LMTK3: variants seen among roughly 807,000 people sequenced by gnomAD.
The protein encoded by LMTK3 is serine/threonine-protein kinase LMTK3.
LMTK3 carries 27 observed loss-of-function variants against 116.7 expected under a neutral mutation model. The ratio of observed to expected loss-of-function variants is 0.23; its 90% CI spans 0.17 to 0.32. The LOEUF (loss-of-function observed/expected upper bound fraction) is 0.32, where lower values mean the gene tolerates loss of function less well. Ranked by LOEUF, LMTK3 falls within the 10% of genes least tolerant of loss-of-function variation. LMTK3 has a pLI of 1.00. For synonymous variants in LMTK3, 965 were observed against 971.0 expected (o/e 0.99, Z 0.11); for missense variants, 1,764 against 2,068.5 (o/e 0.85, Z 2.86).
In LMTK3 at chr19:48,498,150, C is replaced by T. The variant is rs750107495; in HGVS notation, c.2919G>A (p.Ala973=). ...ELTPPRREEK[A]LENGELRSPE... ...GGGACCTCAGCTCCCCATTCTCCAG[C>T]GCTTTCTCCTCCCTCCTTGGGGGTG... The change falls in exon 11 of 15, where the codon GCG becomes GCA. Residue 973 remains alanine, a synonymous_variant. Transcript: ENST00000600059. 2 of 1,613,756 alleles carry T rather than the reference C, an allele frequency of 1.2e-6. No homozygotes were observed. The highest frequency in any genetic ancestry group is 1.3e-5 in the African/African-American group (1 of 75,028).
chr19:48,499,236 G>T lies in LMTK3; in HGVS notation c.1833C>A (p.Asp611Glu), dbSNP rs1270383368. The T allele has an allele frequency of 1.4e-6, 2 of 1,381,140 alleles. No homozygotes were observed. The highest frequency in any genetic ancestry group is 1.9e-6 in the Non-Finnish European group (2 of 1,063,206). 85.6% of individuals were successfully genotyped at this position (1,381,140 alleles called of 1,614,324 possible). ...TCTCCCCGGCGCCCCGGCCCTCGGGGTCCCAGCCGCTCAGCAGGAAGCTGC... is the reference window on the plus strand; with the variant it reads ...TCTCCCCGGCGCCCCGGCCCTCGGGTTCCCAGCCGCTCAGCAGGAAGCTGC... ...ASGSFLLSGW[D>E]PEGRGAGETL... The change falls in exon 11 of 15, where the codon GAC becomes GAA. Residue 611 changes from aspartate (D) to glutamate (E), a missense_variant. By Grantham distance (45) the Asp-to-Glu change is conservative. Around this residue, in one of 7 missense-constraint regions of LMTK3, gnomAD observed 1,028 missense variants for 1,050.6 expected, o/e 0.98. Transcript: ENST00000600059.
chr19:48,496,296 C>CT lies in LMTK3; in HGVS notation c.3676+1096dup, dbSNP rs1365263028. Among the ~76,000 whole-genome samples, 303 of 142,250 alleles carry CT rather than the reference C, an allele frequency of 2.1e-3. 7 individuals carry two copies. Among genetic ancestry groups the CT allele is most frequent in the African/African-American group, 8.0e-3 (292 of 36,650 alleles). 93.3% of individuals were successfully genotyped at this position (142,250 alleles called of 152,430 possible). A position where few individuals can be genotyped will look rare whatever the true frequency, so the allele number is the denominator to read the frequency against. The stretch of plus-strand genomic sequence containing the variant: ...GCTAATTTTTTCTTTTTTTCTTTTT[C>CT]TTTTCTTTTTTTTTTTTTCTGAGAC... On this transcript the variant is annotated intron_variant, in intron 11 of 14. Coordinates refer to ENST00000600059, the MANE Select transcript of LMTK3 (RefSeq NM_001388485.1).
At position 48,491,514 on chromosome 19, in the gene LMTK3, A is replaced by T; in HGVS notation, c.4118T>A (p.Val1373Asp). The T allele has an allele frequency of 7.1e-7, 1 of 1,400,648 alleles. No individual in the cohort carries two copies. 86.8% of individuals were successfully genotyped at this position (1,400,648 alleles called of 1,614,324 possible). ...DQETPTNELS[V>D]QAPPEGDTDP... ...CGTGTCCCCCTCGGGGGGGGCCTGG[A>T]CGCTCAGCTCGTTGGTTGGCGTCTC... The change falls in exon 13 of 15, where the codon GTC becomes GAC. Residue 1373 changes from valine to aspartate, a missense_variant. This residue lies in a region of LMTK3 where 281 missense variants were observed against 301.4 expected (regional missense o/e 0.93). Coordinates refer to ENST00000600059, the MANE Select transcript of LMTK3 (RefSeq NM_001388485.1). This position sits in a 1 kb window ranked among gnomAD's most constrained non-coding sequence, Gnocchi z 5.1.
At chr19:48,495,015 G>GTTTTT (rs760344922) in intron 11 of LMTK3, among the ~76,000 whole-genome samples, 10 of 144,162 alleles carry the variant, frequency 6.9e-5, no homozygotes, top group Non-Finnish European at 1.1e-4. Flanking sequence ...TGTTTTTTTT[G>GTTTTT]TTTTTTTTTT....
At chr19:48,501,251 C>G in intron 9 of LMTK3, 32 bp downstream of exon 9, 1 of 1,611,118 alleles carries the variant, frequency 6.2e-7, no homozygotes, top group Non-Finnish European at 8.5e-7. Flanking sequence ...CCTTCCTGGC[C>G]TGCCTCGGCC....
At position 48,500,893 on chromosome 19, in the gene LMTK3, G is replaced by C. The variant is rs1317125641; in HGVS notation, c.1151+103C>G. ...CCCCTCTTCACTCTTGAGGGGTATG[G>C]AGGGCAAACGGGATGTGGGTGATGT... On this transcript the variant is annotated intron_variant, in intron 10 of 14. Coordinates refer to ENST00000600059, the MANE Select transcript of LMTK3 (RefSeq NM_001388485.1). This position sits in a 1 kb window ranked among gnomAD's most constrained non-coding sequence, Gnocchi z 4.0. 1.7e-6 allele frequency: 2 copies of C among 1,208,972 alleles called. No homozygotes were observed. The highest frequency in any genetic ancestry group is 6.1e-5 in the Admixed American group (2 of 33,050). The allele number at this position is 1,208,972 out of a possible 1,614,324, so 74.9% of individuals were successfully genotyped here.
intron 14 of LMTK3, among the ~76,000 whole-genome samples, chr19:48,489,402 G>A (rs978242565): frequency 3.9e-5 from 6 of 152,094 alleles, no homozygotes; most frequent in African/African-American, 1.4e-4. Flanking sequence ...GTGAAACCCC[G>A]TCTCTACTAA....
intron 5 of LMTK3, among the ~76,000 whole-genome samples, chr19:48,507,749 T>TACACGAGTATACCACCGTGCCC (rs1972594609): frequency 6.6e-6 from 1 of 152,206 alleles, no homozygotes; most frequent in East Asian, 1.9e-4. Context: ...GTGCCGGGAC[T>TACACGAGTATACCACCGTGCCC]ACACGAGTAT....
At chr19:48,487,219 G>A (rs914317157) in intron 14 of LMTK3, among the ~76,000 whole-genome samples, 4 of 152,030 alleles carry the variant, frequency 2.6e-5, no homozygotes, top group African/African-American at 9.7e-5. Flanking sequence ...ATTTTTAGGA[G>A]AGATGGGGTT....
Position 48,509,533 on chromosome 19 carries a change from A to G in LMTK3, c.362-20T>C. 1 of 1,538,492 alleles carries G rather than the reference A, an allele frequency of 6.5e-7. No individual in the cohort carries two copies. Among genetic ancestry groups the G allele is most frequent in the African/African-American group, 1.4e-5 (1 of 73,060 alleles). ...TCATGTCTGGGGAGGGCAAGAGGGG[A>G]AAGCCCCTGAGTCTCTCCCCCTTCC... On this transcript the variant is annotated intron_variant, in intron 3 of 14. Coordinates refer to ENST00000600059, the MANE Select transcript of LMTK3 (RefSeq NM_001388485.1).
intron 4 of LMTK3, 89 bp downstream of exon 4, chr19:48,509,348 G>A (rs1972619953): frequency 2.5e-6 from 3 of 1,224,440 alleles, no homozygotes; most frequent in African/African-American, 1.5e-5. Flanking sequence ...AGGGACAGAT[G>A]AGAAGTGGTG....
intron 14 of LMTK3, among the ~76,000 whole-genome samples, chr19:48,486,339 G>A (rs921371236): frequency 2.0e-5 from 3 of 151,082 alleles, no homozygotes; most frequent in African/African-American, 4.9e-5. Context: ...GATTACAGGC[G>A]TGAGCCACCG....
rs1300787371 is a variant in LMTK3 at position 48,485,602 on chromosome 19, G to C, written c.*171C>G. ...CCATCTGGGGGGCTGGGGGGCGGGG[G>C]CCCGGGGCCTCCCGTTTGGCACATG... is the stretch of plus-strand genomic sequence containing the variant. On this transcript the variant is annotated 3_prime_UTR_variant, in exon 15 of 15. Transcript: ENST00000600059. 4 of 654,904 alleles carry C rather than the reference G, an allele frequency of 6.1e-6. No individual in the cohort carries two copies. Among genetic ancestry groups the C allele is most frequent in the Non-Finnish European group, 1.0e-5 (4 of 395,192 alleles). The allele number at this position is 654,904 out of a possible 1,614,324, so 40.6% of individuals were successfully genotyped here. A position where few individuals can be genotyped will look rare whatever the true frequency, so the allele number is the denominator to read the frequency against.
Position 48,494,127 on chromosome 19 carries a change from T to C in LMTK3, c.3677-18A>G. The C allele has an allele frequency of 8.4e-7, 1 of 1,187,404 alleles. No homozygotes were observed. The highest frequency in any genetic ancestry group is 1.0e-6 in the Non-Finnish European group (1 of 956,964). 73.6% of individuals were successfully genotyped at this position (1,187,404 alleles called of 1,614,324 possible). On this transcript the variant is annotated intron_variant, in intron 11 of 14. Transcript: ENST00000600059. The surrounding 1 kb of genome is among the most constrained non-coding windows in gnomAD (Gnocchi z 4.0). ...GAGCCTGGCTGCGAGGGGAGAGACC[T>C]GGTGAGCCCCTGTCCCGGTGAAACT...
chr19:48,503,563 C>A (rs1373155896), intron 5 of LMTK3, among the ~76,000 whole-genome samples: 1 of 152,058 alleles, frequency 6.6e-6, no homozygotes, highest in Non-Finnish European at 1.5e-5. Context: ...CTCCTCGTCC[C>A]CACAGCCTCC....
intron 12 of LMTK3, among the ~76,000 whole-genome samples, chr19:48,493,042 C>T (rs1379915988): frequency 6.6e-6 from 1 of 151,942 alleles, no homozygotes; most frequent in African/African-American, 2.4e-5. Context: ...GCCCTTCCCG[C>T]GCCCTGCTCC....
upstream of LMTK3, chr19:48,511,915 C>G: frequency 7.7e-6 from 2 of 260,590 alleles, no homozygotes; most frequent in Non-Finnish European, 1.5e-5. Flanking sequence ...GAGCAGAGAG[C>G]CTGTCACAGG....
At chr19:48,487,325 C>T (rs1002642392) in intron 14 of LMTK3, among the ~76,000 whole-genome samples, 3 of 152,056 alleles carry the variant, frequency 2.0e-5, no homozygotes, top group African/African-American at 7.2e-5. Flanking sequence ...GAGCCACGCG[C>T]CCAGCCCACC....
chr19:48,509,522 G>T lies in LMTK3; in HGVS notation c.362-9C>A, dbSNP rs763671821. ...CAGGGGGGTGGTCATGTCTGGGGAG[G>T]GCAAGAGGGGAAAGCCCCTGAGTCT... On this transcript the variant is annotated splice_polypyrimidine_tract_variant and intron_variant, in intron 3 of 14. Coordinates refer to ENST00000600059, the MANE Select transcript of LMTK3 (RefSeq NM_001388485.1). The T allele has an allele frequency of 1.6e-5, 25 of 1,546,378 alleles. No homozygotes were observed. The East Asian group carries it at 5.6e-4, about 35-fold the overall frequency.
Sources: gnomAD v4.1 joint callset for allele counts (sites outside exome capture counted in the v4.1 genomes callset) on GRCh38, gnomAD v4.1.1 for gene constraint, gnomAD v4.1.1 regional missense constraint, Gnocchi (gnomAD v3.1) non-coding constraint, MANE v1.5 for transcripts, NCBI Gene and HGNC (gene_info 2026-07-23, HGNC 2026-07-21) for gene names.